CYP46A1: variants seen among roughly 807,000 people sequenced by gnomAD.
CYP46A1 encodes the protein cholesterol 24-hydroxylase.
In CYP46A1, 20 loss-of-function variants were observed where a neutral mutation model predicts 63.3. The ratio of observed to expected loss-of-function variants is 0.32; its 90% CI spans 0.22 to 0.46. CYP46A1 has a LOEUF of 0.46. Among genes scored for constraint, CYP46A1 ranks in the 20% least tolerant of loss-of-function variants. The pLI is 1.00. For synonymous variants in CYP46A1, 268 were observed against 273.6 expected (o/e 0.98, Z 0.20); for missense variants, 445 against 670.8 (o/e 0.66, Z 3.72).
intron 1 of CYP46A1, among the ~76,000 whole-genome samples, chr14:99,685,491 G>C (rs1189939137): frequency 6.6e-6 from 1 of 151,624 alleles, no homozygotes; most frequent in East Asian, 1.9e-4. Context: ...CCTGTTGACT[G>C]TCTGTTCACC....
intron 3 of CYP46A1, chr14:99,693,675 T>A (rs2140115112): frequency 6.6e-6 from 1 of 152,346 alleles, no homozygotes; most frequent in South Asian, 2.1e-4. Context: ...TAAAAGTTTG[T>A]ATGGGAGTGA....
intron 10 of CYP46A1, among the ~76,000 whole-genome samples, chr14:99,719,574 C>A (rs745317142): frequency 6.6e-6 from 1 of 151,780 alleles, no homozygotes; most frequent in Non-Finnish European, 1.5e-5. Flanking sequence ...TCCGTTCTCG[C>A]CTCCCCATCC....
intron 10 of CYP46A1, among the ~76,000 whole-genome samples, chr14:99,718,376 C>T (rs1037949051): frequency 4.6e-5 from 7 of 152,202 alleles, no homozygotes; most frequent in Admixed American, 6.5e-5. Flanking sequence ...GTTTCCCCTC[C>T]GAGCCTGCTC....
chr14:99,717,688 C>T (rs1162491760), intron 9 of CYP46A1: 6 of 207,216 alleles, frequency 2.9e-5, no homozygotes, highest in African/African-American at 4.6e-5. Flanking sequence ...ATCAGCCTCC[C>T]GAAATGTCCA....
rs371199499 is a variant in CYP46A1, at chr14:99,707,696, C to A, written c.693+18C>A. The A allele has an allele frequency of 6.3e-5, 101 of 1,606,758 alleles. No individual in the cohort carries two copies. The highest frequency in any genetic ancestry group is 5.8e-5 in the Non-Finnish European group (68 of 1,173,444). On this transcript the variant is annotated intron_variant, in intron 7 of 14. Transcript: ENST00000261835. Reference sequence around the variant, plus strand: ...TGGCAAAGGTACTGCCTCAGCACCCCCTCTGGTGACCAGCCACCAGAGCTG... The same window carrying A: ...TGGCAAAGGTACTGCCTCAGCACCCACTCTGGTGACCAGCCACCAGAGCTG...
rs773079915 is a variant in CYP46A1 at position 99,725,396 on chromosome 14, C to T, written c.1182C>T (p.Ser394=). Residue 394 remains serine (S), a synonymous_variant, in exon 13 of 15, where the codon AGC becomes AGT. Transcript: ENST00000261835. The surrounding 1 kb of genome is among the most constrained non-coding windows in gnomAD (Gnocchi z 4.2). ...RVPGNTPLLF[S]TYVMGRMDTY... ...AGCGGACCCTTTGCCCGCAGTTCAG[C>T]ACCTATGTCATGGGGCGGATGGACA... 4.3e-6 allele frequency: 7 copies of T among 1,614,016 alleles called. No individual in the cohort carries two copies. Among genetic ancestry groups the T allele is most frequent in the Non-Finnish European group, 5.1e-6 (6 of 1,179,882 alleles).
chr14:99,691,295 C>T, intron 2 of CYP46A1, 134 bp downstream of exon 2: 1 of 858,850 alleles, frequency 1.2e-6, no homozygotes, highest in Non-Finnish European at 1.9e-6. Flanking sequence ...GCAGTTCCTC[C>T]CCTGAGTGGA....
rs374987652 is a variant in CYP46A1 at position 99,721,281 on chromosome 14, C to T, written c.1023C>T (p.Tyr341=). 3 of 1,614,042 alleles carry T rather than the reference C, an allele frequency of 1.9e-6. No homozygotes were observed. Among genetic ancestry groups the T allele is most frequent in the South Asian group, 1.1e-5 (1 of 91,088 alleles). ...EVDEVIGSKR[Y]LDFEDLGRLQ... is the part of the protein sequence containing the mutation. ...ATGAGGTCATTGGTTCTAAGAGGTA[C>T]CTGGATTTCGAGGACCTGGGGAGAC... Residue 341 remains tyrosine, a synonymous_variant, in exon 11 of 15, where the codon TAC becomes TAT. Transcript: ENST00000261835.
intron 11 of CYP46A1, 116 bp downstream of exon 11, chr14:99,721,439 C>A: frequency 1.4e-6 from 1 of 740,692 alleles, no homozygotes; most frequent in Non-Finnish European, 2.4e-6. Context: ...ATAGGGTCCT[C>A]CCCCGGAAGA....
At chr14:99,703,919 A>G in intron 5 of CYP46A1, 1 of 976,200 alleles carries the variant, frequency 1.0e-6, no homozygotes, top group Non-Finnish European at 1.2e-6. Context: ...AGAGACATTT[A>G]TTTAAGAAAT....
intron 7 of CYP46A1, among the ~76,000 whole-genome samples, chr14:99,713,608 G>A (rs2056755875): frequency 2.6e-5 from 4 of 152,060 alleles, no homozygotes; most frequent in Non-Finnish European, 2.9e-5. Flanking sequence ...GCCAGGCATG[G>A]TGGCTCATGC....
At chr14:99,699,934 C>A in intron 4 of CYP46A1, 81 bp from the exon 5 acceptor site, 1 of 1,039,980 alleles carries the variant, frequency 9.6e-7, no homozygotes, top group Non-Finnish European at 1.4e-6. Context: ...TTCCTCATCC[C>A]AAAATATGAC....
Position 99,726,720 on chromosome 14 carries a change from C to A in CYP46A1, c.1496C>A (p.Pro499His). Residue 499 changes from proline (P) to histidine (H), a missense_variant, in exon 15 of 15, where the codon CCC becomes CAC. Pro to His is a moderately conservative substitution (Grantham distance 77). Transcript: ENST00000261835. ...TGGCAGCCCGCACCCCCACCACCCCCCTGCTGAGGGGGCCTCCAGGCAGGA... is the reference window on the plus strand; with the variant it reads ...TGGCAGCCCGCACCCCCACCACCCCACTGCTGAGGGGGCCTCCAGGCAGGA... The part of the protein sequence containing the change: ...RGWQPAPPPP[P>H]C 2 of 1,529,006 alleles carry A rather than the reference C, an allele frequency of 1.3e-6. No individual in the cohort carries two copies. Among genetic ancestry groups the A allele is most frequent in the East Asian group, 2.5e-5 (1 of 40,690 alleles). 94.7% of individuals were successfully genotyped at this position (1,529,006 alleles called of 1,614,324 possible).
chr14:99,703,784 C>A, intron 5 of CYP46A1: 1 of 968,600 alleles, frequency 1.0e-6, no homozygotes, highest in Non-Finnish European at 1.2e-6. Context: ...CAGCACCAGG[C>A]ACCCCACAAG....
intron 7 of CYP46A1, chr14:99,711,375 G>T (rs1364025253): frequency 1.3e-5 from 2 of 151,446 alleles, no homozygotes; most frequent in Admixed American, 1.3e-4. Context: ...TTTTGGAAAA[G>T]ATAAAATCAA....
chr14:99,711,849 C>T (rs2056735245), intron 7 of CYP46A1: 1 of 152,062 alleles, frequency 6.6e-6, no homozygotes, highest in Admixed American at 6.6e-5. Flanking sequence ...TACATGCCAA[C>T]GTCCCTGATG....
intron 4 of CYP46A1, 50 bp downstream of exon 4, chr14:99,699,589 TGTGA>T (rs1183029871): frequency 1.3e-6 from 2 of 1,589,180 alleles, no homozygotes; most frequent in Non-Finnish European, 1.7e-6. Flanking sequence ...AGAGCCCTGC[TGTGA>T]GTGAGGGCCA....
Position 99,727,030 on chromosome 14 carries a change from A to G in CYP46A1, c.*303A>G. 1 of 351,208 alleles carries G rather than the reference A, an allele frequency of 2.8e-6. No individual in the cohort carries two copies. Among genetic ancestry groups the G allele is most frequent in the Non-Finnish European group, 5.1e-6 (1 of 194,968 alleles). The allele number at this position is 351,208 out of a possible 1,614,324, so 21.8% of individuals were successfully genotyped here. On this transcript the variant is annotated 3_prime_UTR_variant, in exon 15 of 15. Coordinates refer to ENST00000261835, the MANE Select transcript of CYP46A1 (RefSeq NM_006668.2). Reference sequence around the variant, plus strand: ...ACACCCTAACTCTTGCTCACTCCCTAAAGCCCTCTTCAGGGGTCACCTCCT... The same window carrying G: ...ACACCCTAACTCTTGCTCACTCCCTGAAGCCCTCTTCAGGGGTCACCTCCT...
At chr14:99,695,518 C>G (rs1394280656) in intron 3 of CYP46A1, 2 of 340,330 alleles carry the variant, frequency 5.9e-6, no homozygotes, top group East Asian at 1.1e-4. Context: ...GATGAATTGA[C>G]TCTTTTATCC....
Sources: gnomAD v4.1 joint callset for allele counts (sites outside exome capture counted in the v4.1 genomes callset) on GRCh38, gnomAD v4.1.1 for gene constraint, Gnocchi (gnomAD v3.1) non-coding constraint, MANE v1.5 for transcripts, NCBI Gene and HGNC (gene_info 2026-07-23, HGNC 2026-07-21) for gene names.